SUMF1: variants seen among roughly 807,000 people sequenced by gnomAD.
The protein encoded by SUMF1 is formylglycine-generating enzyme.
SUMF1 carries 48 observed loss-of-function variants against 47.6 expected under a neutral mutation model. The ratio of observed to expected loss-of-function variants is 1.01; its 90% CI spans 0.80 to 1.28. The LOEUF (loss-of-function observed/expected upper bound fraction) is 1.28. Ranked by LOEUF, SUMF1 falls within the 50% of genes most tolerant of loss-of-function variation. The pLI is 0.00. For synonymous variants in SUMF1, 230 were observed against 192.1 expected (o/e 1.20, Z -1.63); for missense variants, 571 against 485.4 (o/e 1.18, Z -1.66).
chr3:4,442,864 T>G (rs1246683290), intron 3 of SUMF1, among the ~76,000 whole-genome samples: 2 of 151,058 alleles, frequency 1.3e-5, no homozygotes, highest in Non-Finnish European at 2.9e-5. Context: ...CAAGCTCAAA[T>G]GCAATCCAAA....
intron 8 of SUMF1, among the ~76,000 whole-genome samples, chr3:4,186,827 T>G (rs1171191632): frequency 6.6e-6 from 1 of 152,178 alleles, no homozygotes; most frequent in South Asian, 2.1e-4. Flanking sequence ...AGGTTAGCAA[T>G]GAAGATGTAA....
At chr3:4,184,800 C>T (rs1024771017) in intron 8 of SUMF1, among the ~76,000 whole-genome samples, 14 of 151,844 alleles carry the variant, frequency 9.2e-5, no homozygotes, top group African/African-American at 2.9e-4. Context: ...AGGCACCTGC[C>T]ACCATGCTCA....
At chr3:4,045,179 G>T (rs192218727) in intron 9 of SUMF1, among the ~76,000 whole-genome samples, 56 of 152,174 alleles carry the variant, frequency 3.7e-4, no homozygotes, top group Admixed American at 5.2e-4. Flanking sequence ...AGGTAATCTG[G>T]GTGGGTCTAG....
In SUMF1 at chr3:4,135,506, T is replaced by C. The variant is rs1015747368; in HGVS notation, c.1015-66761A>G. Among the ~76,000 whole-genome samples the C allele has an allele frequency of 3.3e-5, 5 of 152,186 alleles. No homozygotes were observed. The South Asian group carries it at 6.2e-4, about 19-fold the overall frequency. On this transcript the variant is annotated intron_variant and NMD_transcript_variant, in intron 8 of 12. Coordinates refer to the SUMF1 transcript ENST00000448413. ...ATAACAGCTATCTATGACAAACCCA[T>C]AGCCAATATCATACTGAATGAGCAA...
intron 8 of SUMF1, chr3:4,313,378 A>C (rs1458341193): frequency 4.3e-6 from 7 of 1,613,754 alleles, no homozygotes; most frequent in Non-Finnish European, 5.9e-6. Context: ...TGTTGACCCT[A>C]CTTATATAGG....
At chr3:4,169,463 A>G (rs951626014) in intron 8 of SUMF1, among the ~76,000 whole-genome samples, 1 of 152,188 alleles carries the variant, frequency 6.6e-6, no homozygotes, top group African/African-American at 2.4e-5. Context: ...GGCATCTACA[A>G]GACAAAGAAC....
intron 8 of SUMF1, among the ~76,000 whole-genome samples, chr3:4,082,105 T>G (rs1692572832): frequency 6.6e-6 from 1 of 152,170 alleles, no homozygotes; most frequent in Non-Finnish European, 1.5e-5. Flanking sequence ...CATTTGGGGA[T>G]TCTGATGACA....
At chr3:4,339,204 T>C (rs1319100042) in intron 8 of SUMF1, among the ~76,000 whole-genome samples, 2 of 152,204 alleles carry the variant, frequency 1.3e-5, no homozygotes, top group Non-Finnish European at 1.5e-5. Flanking sequence ...ACACCTCCCA[T>C]GTCCAATCCT....
At chr3:4,230,047 A>T (rs1232558242) in intron 8 of SUMF1, among the ~76,000 whole-genome samples, 1 of 151,902 alleles carries the variant, frequency 6.6e-6, no homozygotes, top group Non-Finnish European at 1.5e-5. Flanking sequence ...AAGAAACTTC[A>T]TTTTGTGAGA....
At chr3:4,405,677 T>G (rs1169695707) in intron 7 of SUMF1, among the ~76,000 whole-genome samples, 1 of 152,146 alleles carries the variant, frequency 6.6e-6, no homozygotes, top group Admixed American at 6.5e-5. Context: ...CATGAGCCAC[T>G]GCACCCAGCA....
intron 8 of SUMF1, among the ~76,000 whole-genome samples, chr3:4,196,936 T>C (rs1695442062): frequency 1.3e-5 from 2 of 152,124 alleles, no homozygotes; most frequent in Admixed American, 1.3e-4. Flanking sequence ...ACCAGGCATC[T>C]TGACAGGATG....
chr3:4,277,795 G>T (rs6802506), intron 8 of SUMF1, among the ~76,000 whole-genome samples: 18 of 151,754 alleles, frequency 1.2e-4, no homozygotes, highest in Non-Finnish European at 1.9e-4. Context: ...GGCCAATAAC[G>T]AGGTCACCAC....
intron 8 of SUMF1, among the ~76,000 whole-genome samples, chr3:4,259,931 G>A (rs775021530): frequency 2.6e-5 from 4 of 151,570 alleles, no homozygotes; most frequent in Non-Finnish European, 5.9e-5. Flanking sequence ...TCAACTAACT[G>A]GAATGCTCAG....
intron 3 of SUMF1, among the ~76,000 whole-genome samples, chr3:4,421,289 A>G (rs1415435483): frequency 6.6e-6 from 1 of 152,138 alleles, no homozygotes; most frequent in Non-Finnish European, 1.5e-5. Context: ...CAGCACCTAT[A>G]TCTTGGGTTA....
At chr3:4,188,236 G>A (rs1695245016) in intron 8 of SUMF1, among the ~76,000 whole-genome samples, 1 of 151,500 alleles carries the variant, frequency 6.6e-6, no homozygotes, top group Non-Finnish European at 1.5e-5. Flanking sequence ...AGTGCAACGG[G>A]GTAATCTTGG....
intron 4 of SUMF1, 21 bp downstream of exon 4, chr3:4,420,043 G>C (rs1485433393): frequency 1.1e-5 from 17 of 1,610,144 alleles, no homozygotes; most frequent in Non-Finnish European, 1.4e-5. Flanking sequence ...TGTCAACTGG[G>C]GAAAGAGGGA....
rs1696638286 is a variant in SUMF1 at position 4,245,356 on chromosome 3, C to T, written c.1014+130974G>A. Among the ~76,000 whole-genome samples the T allele has an allele frequency of 2.0e-5, 3 of 152,184 alleles. No individual in the cohort carries two copies. The South Asian group carries it at 6.2e-4, about 32-fold the overall frequency. On this transcript the variant is annotated intron_variant and NMD_transcript_variant, in intron 8 of 12. Transcript: ENST00000448413. ...ATTTTAAGCCTTTCTGCTCTGGTCT[C>T]TCCCCATCTTTGCAGTTTTATCTAC...
chr3:4,274,225 TTAA>T (rs1273516215), intron 8 of SUMF1, among the ~76,000 whole-genome samples: 2 of 152,168 alleles, frequency 1.3e-5, no homozygotes, highest in East Asian at 1.9e-4. Context: ...ATACCTAGGC[TTAA>T]TAATAATACC....
intron 8 of SUMF1, among the ~76,000 whole-genome samples, chr3:4,342,121 T>C (rs1374560642): frequency 6.6e-6 from 1 of 152,238 alleles, no homozygotes; most frequent in Non-Finnish European, 1.5e-5. Context: ...AGGTCTTCAA[T>C]TCCAACAAAT....
Sources: allele counts gnomAD v4.1 joint callset (sites outside exome capture counted in the v4.1 genomes callset), GRCh38; gene constraint gnomAD v4.1.1; transcripts MANE v1.5; gene names NCBI Gene and HGNC (gene_info 2026-07-23, HGNC 2026-07-21).